Variants in TBC1D5 observed in about 807,000 individuals in gnomAD.
The protein encoded by TBC1D5 is TBC1 domain family member 5, also known as TBC1 domain family, member 5.
In TBC1D5, 75 loss-of-function variants were observed where a neutral mutation model predicts 100.3. The ratio of observed to expected loss-of-function variants is 0.75; its 90% confidence interval spans 0.62 to 0.91. TBC1D5 has a LOEUF of 0.91. TBC1D5 is among the 40% of genes least tolerant of loss of function. The pLI, the probability that TBC1D5 is intolerant of heterozygous loss-of-function variation, is 0.00. For synonymous variants in TBC1D5, 323 were observed against 325.6 expected (o/e 0.99, Z 0.09); for missense variants, 910 against 942.4 (o/e 0.97, Z 0.45).
intron 1 of TBC1D5, among the ~76,000 whole-genome samples, chr3:17,701,623 G>T (rs985890572): frequency 2.0e-5 from 3 of 151,798 alleles, no homozygotes; most frequent in African/African-American, 4.8e-5. Flanking sequence ...CAACAAAAAA[G>T]ACTTTTTTTT....
At chr3:17,671,008 GATTT>G (rs890456828) in intron 1 of TBC1D5, among the ~76,000 whole-genome samples, 1 of 152,170 alleles carries the variant, frequency 6.6e-6, no homozygotes, top group African/African-American at 2.4e-5. Flanking sequence ...TACCACAAAT[GATTT>G]ATTAGTCTTT....
chr3:17,258,603 T>C lies in TBC1D5; in HGVS notation c.1246-12A>G, dbSNP rs753001918. 11 of 1,596,208 alleles carry C rather than the reference T, an allele frequency of 6.9e-6. No individual in the cohort carries two copies. Among genetic ancestry groups the C allele is most frequent in the South Asian group, 6.7e-5 (6 of 90,174 alleles). On this transcript the variant is annotated splice_polypyrimidine_tract_variant and intron_variant, in intron 15 of 21. Transcript: ENST00000253692. ...GGTCTTGGATTTCTCTAAAAAAAAA[T>C]ACATTTTTAAAAAGCTAGTTAAATG...
chr3:17,358,717 G>A (rs1442367678), intron 13 of TBC1D5, among the ~76,000 whole-genome samples: 2 of 151,952 alleles, frequency 1.3e-5, no homozygotes, highest in East Asian at 1.9e-4. Flanking sequence ...GTTTTAAAAG[G>A]TATATTTTCT....
At chr3:17,494,505 AGGCAGGAAATACTAAGTCTGCTGATG>A (rs1455847598) in intron 3 of TBC1D5, among the ~76,000 whole-genome samples, 2 of 152,236 alleles carry the variant, frequency 1.3e-5, no homozygotes, top group African/African-American at 4.8e-5. Context: ...CAGAGCCAGC[AGGCAGGAAATACTAAGTCTGCTGATG>A]GGCAGAGACC....
chr3:17,372,226 G>A (rs2152049707), exon 13 of TBC1D5: 1 of 1,610,664 alleles, frequency 6.2e-7, no homozygotes, highest in Non-Finnish European at 8.5e-7. Context: ...AAGGGAATGG[G>A]AGTCATCAGT....
intron 2 of TBC1D5, among the ~76,000 whole-genome samples, chr3:17,607,927 C>A (rs1358157983): frequency 6.6e-6 from 1 of 151,852 alleles, no homozygotes; most frequent in East Asian, 1.9e-4. Flanking sequence ...GAAAAAAAAA[C>A]TTTTTACTAG....
At chr3:17,267,898 A>C (rs1359955385) in intron 15 of TBC1D5, among the ~76,000 whole-genome samples, 1 of 152,126 alleles carries the variant, frequency 6.6e-6, no homozygotes, top group African/African-American at 2.4e-5. Flanking sequence ...TATTGTAAAA[A>C]CCCATTCTTA....
chr3:17,547,854 C>G (rs1224393553), intron 2 of TBC1D5, among the ~76,000 whole-genome samples: 1 of 152,192 alleles, frequency 6.6e-6, no homozygotes, highest in East Asian at 1.9e-4. Context: ...CTTCCTCACT[C>G]TTCTCAGAAT....
intron 3 of TBC1D5, among the ~76,000 whole-genome samples, chr3:17,455,647 G>T (rs904522072): frequency 5.3e-5 from 8 of 151,510 alleles, no homozygotes; most frequent in African/African-American, 1.9e-4. Context: ...AAACCAACCT[G>T]GGCAACATGA....
intron 19 of TBC1D5, among the ~76,000 whole-genome samples, chr3:17,177,977 C>T (rs754381092): frequency 7.3e-5 from 11 of 151,636 alleles, no homozygotes; most frequent in Non-Finnish European, 1.6e-4. Context: ...GTTTGTCTTT[C>T]TGTGCCTGGC....
At chr3:17,258,707 T>C (rs1036441014) in intron 15 of TBC1D5, 116 bp from the exon 16 acceptor site, 58 of 674,266 alleles carry the variant, frequency 8.6e-5, no homozygotes, top group African/African-American at 3.7e-5. Context: ...TAATATAAAG[T>C]TTAATAATTA....
chr3:17,431,000 C>G (rs957569690), intron 3 of TBC1D5, among the ~76,000 whole-genome samples: 8 of 151,834 alleles, frequency 5.3e-5, no homozygotes, highest in African/African-American at 1.9e-4. Flanking sequence ...AAAACAACTT[C>G]CGCCAGTTTG....
chr3:17,532,346 G>T (rs1352873463), intron 2 of TBC1D5, among the ~76,000 whole-genome samples: 2 of 152,214 alleles, frequency 1.3e-5, no homozygotes, highest in Non-Finnish European at 2.9e-5. Context: ...ACAGGTGCTG[G>T]AGAGGATGTA....
rs150115740 is a variant in TBC1D5 at position 17,719,141 on chromosome 3, T to C, written c.-101+20202A>G. On this transcript the variant is annotated intron_variant, in intron 1 of 21. Coordinates refer to ENST00000253692, the Ensembl canonical transcript of TBC1D5. ...ATAGTTTCTTAAATAAACTTTTTTA[T>C]AAAGGATAATGGCTATTTAAGACAA... is the stretch of plus-strand genomic sequence containing the variant. Among the ~76,000 whole-genome samples, 3 of 152,306 alleles carry C rather than the reference T, an allele frequency of 2.0e-5. No homozygotes were observed. In the East Asian group the frequency reaches 5.8e-4, roughly 29 times the overall value.
At chr3:17,577,227 A>C (rs143582713) in intron 2 of TBC1D5, among the ~76,000 whole-genome samples, 11 of 152,114 alleles carry the variant, frequency 7.2e-5, no homozygotes, top group Middle Eastern at 3.4e-3. Context: ...GCTTTACTTT[A>C]AGCTGTAGTG....
At chr3:17,408,786 T>C (rs1471569940) in intron 4 of TBC1D5, among the ~76,000 whole-genome samples, 1 of 152,166 alleles carries the variant, frequency 6.6e-6, no homozygotes, top group African/African-American at 2.4e-5. Context: ...TTTAAATTTG[T>C]GTATAATTAA....
intron 8 of TBC1D5, among the ~76,000 whole-genome samples, chr3:17,392,815 C>A (rs1216453284): frequency 6.6e-6 from 1 of 152,090 alleles, no homozygotes; most frequent in African/African-American, 2.4e-5. Flanking sequence ...AACAGTGCTG[C>A]AATAAACATA....
chr3:17,362,992 T>G (rs2091848250), intron 13 of TBC1D5, among the ~76,000 whole-genome samples: 1 of 152,058 alleles, frequency 6.6e-6, no homozygotes, highest in Non-Finnish European at 1.5e-5. Flanking sequence ...TCCCTTTTCT[T>G]GTTAGTCTTG....
intron 17 of TBC1D5, among the ~76,000 whole-genome samples, chr3:17,233,437 T>A (rs768590045): frequency 6.6e-6 from 1 of 152,134 alleles, no homozygotes; most frequent in Non-Finnish European, 1.5e-5. Context: ...GTGAATCATA[T>A]TTTGCAAAGA....
Sources: allele counts gnomAD v4.1 joint callset (sites outside exome capture counted in the v4.1 genomes callset), GRCh38; gene constraint gnomAD v4.1.1; transcripts MANE v1.5; gene names NCBI Gene and HGNC (gene_info 2026-07-23, HGNC 2026-07-21).